The following GAS2 variants were observed in gnomAD, a reference collection of about 807,000 sequenced individuals.
The protein encoded by GAS2 is growth arrest specific 2, also known as growth arrest-specific protein 2.
A neutral mutation model predicts 37.5 loss-of-function variants in GAS2; 20 were observed. That is an observed-to-expected ratio of 0.53 (90% CI 0.37 to 0.77). The LOEUF (loss-of-function observed/expected upper bound fraction) is 0.77. Among genes scored for constraint, GAS2 ranks in the 30% least tolerant of loss-of-function variants. The pLI is 0.00. For synonymous variants in GAS2, 144 were observed against 132.2 expected, an observed-to-expected ratio of 1.09 and a Z score of -0.61; for missense variants, 336 against 373.4, an observed-to-expected ratio of 0.90 and a Z score of 0.82.
rs114855084 is a variant in GAS2 at position 22,714,055 on chromosome 11, G to T, written c.268-12237G>T. 1.1e-3 allele frequency among the ~76,000 whole-genome samples: 160 copies of T among 152,120 alleles called. 1 individual carries two copies. The highest frequency in any genetic ancestry group is 3.6e-3 in the African/African-American group (150 of 41,520). On this transcript the variant is annotated intron_variant, in intron 3 of 7. Transcript: ENST00000454584. ...CTGAATACTAACATTGAATGTAAAT[G>T]GCTACACTTAAAAGGTACAGAATCT...
intron 7 of GAS2, among the ~76,000 whole-genome samples, chr11:22,806,899 T>C (rs1216433163): frequency 2.0e-5 from 3 of 152,182 alleles, no homozygotes; most frequent in Non-Finnish European, 4.4e-5. Flanking sequence ...GGAAAGGTAA[T>C]GGATTCCACA....
At chr11:22,692,675 A>G (rs971406212) in intron 3 of GAS2, among the ~76,000 whole-genome samples, 2 of 152,264 alleles carry the variant, frequency 1.3e-5, no homozygotes, top group South Asian at 2.1e-4. Flanking sequence ...TGGGAGGCAC[A>G]TTTGTCCTCA....
intron 1 of GAS2, among the ~76,000 whole-genome samples, chr11:22,648,823 T>C (rs1172348774): frequency 6.6e-6 from 1 of 151,110 alleles, no homozygotes; most frequent in Non-Finnish European, 1.5e-5. Flanking sequence ...GGAGCTGAGA[T>C]AATGGGGTTT....
chr11:22,806,070 A>C (rs1856867792), intron 7 of GAS2, among the ~76,000 whole-genome samples: 1 of 152,088 alleles, frequency 6.6e-6, no homozygotes, highest in Non-Finnish European at 1.5e-5. Flanking sequence ...GAAATATCTC[A>C]TTCTATGACT....
chr11:22,680,805 T>C (rs1020100911), intron 2 of GAS2, among the ~76,000 whole-genome samples: 2 of 152,138 alleles, frequency 1.3e-5, no homozygotes, highest in African/African-American at 4.8e-5. Context: ...GTCATTTGTG[T>C]ATTCAGCAAA....
intron 1 of GAS2, among the ~76,000 whole-genome samples, chr11:22,645,381 G>A (rs1444044486): frequency 2.6e-5 from 4 of 151,886 alleles, no homozygotes; most frequent in Admixed American, 6.6e-5. Flanking sequence ...GGTAGCATGC[G>A]CCTGTAGCCC....
chr11:22,643,557 T>C (rs928087359), intron 1 of GAS2, among the ~76,000 whole-genome samples: 116 of 152,004 alleles, frequency 7.6e-4, no homozygotes, highest in Middle Eastern at 3.5e-3. Flanking sequence ...CACCCACATA[T>C]CTTCTGTAGT....
chr11:22,643,342 C>A (rs115226101), intron 1 of GAS2, among the ~76,000 whole-genome samples: 6 of 151,628 alleles, frequency 4.0e-5, no homozygotes, highest in Admixed American at 3.9e-4. Flanking sequence ...TAATTTGAAA[C>A]CTCTTGGATT....
intron 7 of GAS2, among the ~76,000 whole-genome samples, chr11:22,789,371 C>G (rs1348907933): frequency 1.2e-4 from 11 of 92,960 alleles, no homozygotes; most frequent in Non-Finnish European, 2.0e-4. Flanking sequence ...CACATATACA[C>G]ATATATATGT....
At chr11:22,690,924 C>T (rs1850217583) in intron 3 of GAS2, among the ~76,000 whole-genome samples, 1 of 152,148 alleles carries the variant, frequency 6.6e-6, no homozygotes, top group South Asian at 2.1e-4. Flanking sequence ...AAGACTCTCT[C>T]AACCACGGGG....
intron 3 of GAS2, among the ~76,000 whole-genome samples, chr11:22,688,904 G>C (rs1379360739): frequency 6.6e-6 from 1 of 152,098 alleles, no homozygotes; most frequent in Non-Finnish European, 1.5e-5. Context: ...ACTCATCAAC[G>C]GTGGACTGGC....
intron 1 of GAS2, among the ~76,000 whole-genome samples, chr11:22,653,132 C>T (rs1300515234): frequency 1.3e-5 from 2 of 150,852 alleles, no homozygotes; most frequent in African/African-American, 4.9e-5. Flanking sequence ...TCCTTTCTTG[C>T]CTCGTCTCCT....
At chr11:22,670,740 A>G (rs1169931938) in intron 1 of GAS2, among the ~76,000 whole-genome samples, 1 of 152,152 alleles carries the variant, frequency 6.6e-6, no homozygotes, top group East Asian at 1.9e-4. Context: ...ACAAAGAGGA[A>G]AATTCATATG....
chr11:22,636,151 T>C (rs1858818544), intron 1 of GAS2, among the ~76,000 whole-genome samples: 1 of 152,194 alleles, frequency 6.6e-6, no homozygotes, highest in Non-Finnish European at 1.5e-5. Flanking sequence ...AATTCCTGTG[T>C]TGCTTCTTGG....
At chr11:22,628,521 C>T (rs1428249972) in intron 1 of GAS2, among the ~76,000 whole-genome samples, 5 of 152,180 alleles carry the variant, frequency 3.3e-5, no homozygotes, top group African/African-American at 9.7e-5. Context: ...GGCCAAATTT[C>T]AGCAGATTTT....
chr11:22,753,909 A>G (rs1467710599), intron 6 of GAS2, among the ~76,000 whole-genome samples: 1 of 152,088 alleles, frequency 6.6e-6, no homozygotes, highest in Non-Finnish European at 1.5e-5. Context: ...TCAGTCCTAG[A>G]ATGTGGTTCT....
intron 3 of GAS2, among the ~76,000 whole-genome samples, chr11:22,700,559 A>G (rs1488841889): frequency 6.6e-6 from 1 of 152,222 alleles, no homozygotes; most frequent in Non-Finnish European, 1.5e-5. Flanking sequence ...GATTTAAACT[A>G]GTTAAGAAAA....
chr11:22,695,898 T>C (rs944304248), intron 3 of GAS2, among the ~76,000 whole-genome samples: 4 of 152,108 alleles, frequency 2.6e-5, no homozygotes, highest in South Asian at 2.1e-4. Context: ...TTCCAATACG[T>C]TTCTATTCTT....
chr11:22,782,744 A>T (rs1380150702), intron 7 of GAS2, among the ~76,000 whole-genome samples: 2 of 149,072 alleles, frequency 1.3e-5, no homozygotes, highest in African/African-American at 4.9e-5. Context: ...AAAAAAAATA[A>T]TAATAATAAT....
Sources: gnomAD v4.1 joint callset for allele counts (sites outside exome capture counted in the v4.1 genomes callset) on GRCh38, gnomAD v4.1.1 for gene constraint, MANE v1.5 for transcripts, NCBI Gene and HGNC (gene_info 2026-07-23, HGNC 2026-07-21) for gene names.